Variants in SPHKAP observed in about 807,000 individuals in gnomAD.
SPHKAP encodes A-kinase anchor protein SPHKAP.
A neutral mutation model predicts 137.5 loss-of-function variants in SPHKAP; 67 were observed. The ratio of observed to expected loss-of-function variants is 0.49; its 90% confidence interval spans 0.40 to 0.60. The LOEUF is 0.60. Among genes scored for constraint, SPHKAP ranks in the 20% least tolerant of loss-of-function variants. SPHKAP has a pLI of 0.00. For missense variants in SPHKAP, 2,097 were observed against 2,069.3 expected (o/e 1.01, Z -0.26); for synonymous variants, 813 against 785.3 (o/e 1.04, Z -0.59).
At chr2:228,007,298 C>A (rs1694179541) in intron 7 of SPHKAP, among the ~76,000 whole-genome samples, 1 of 152,012 alleles carries the variant, frequency 6.6e-6, no homozygotes, top group Non-Finnish European at 1.5e-5. Context: ...ATCCATCATG[C>A]CAAATATTTA....
chr2:228,145,036 T>G (rs1424602330), intron 1 of SPHKAP, among the ~76,000 whole-genome samples: 1 of 152,214 alleles, frequency 6.6e-6, no homozygotes, highest in Non-Finnish European at 1.5e-5. Flanking sequence ...GGCTGTCAAA[T>G]GATTTCTAGT....
chr2:228,054,678 G>A (rs776766266), intron 3 of SPHKAP, among the ~76,000 whole-genome samples: 2 of 152,048 alleles, frequency 1.3e-5, no homozygotes, highest in Non-Finnish European at 1.5e-5. Flanking sequence ...CCTTGGAAAA[G>A]GTCCCAGGTG....
intron 1 of SPHKAP, among the ~76,000 whole-genome samples, chr2:228,153,178 T>C (rs934447693): frequency 6.6e-6 from 1 of 152,194 alleles, no homozygotes; most frequent in African/African-American, 2.4e-5. Context: ...GGTGTGTCTT[T>C]ATCAGCAGTG....
intron 7 of SPHKAP, among the ~76,000 whole-genome samples, chr2:228,001,394 AATAT>A (rs1435510512): frequency 5.6e-5 from 8 of 143,414 alleles, no homozygotes; most frequent in Non-Finnish European, 9.1e-5. Context: ...CACATATATA[AATAT>A]ATATACATAA....
chr2:227,985,592 G>A (rs1056195544), intron 11 of SPHKAP, among the ~76,000 whole-genome samples: 9 of 152,022 alleles, frequency 5.9e-5, no homozygotes, highest in African/African-American at 2.2e-4. Flanking sequence ...TTCATTTTCT[G>A]CCATTTCACA....
chr2:228,116,065 C>G (rs1431586186), intron 2 of SPHKAP, among the ~76,000 whole-genome samples: 1 of 152,182 alleles, frequency 6.6e-6, no homozygotes, highest in African/African-American at 2.4e-5. Flanking sequence ...TGATCTTGAA[C>G]TTTCCAGCCT....
intron 3 of SPHKAP, among the ~76,000 whole-genome samples, chr2:228,086,780 G>A (rs545883908): frequency 5.9e-5 from 9 of 152,242 alleles, no homozygotes; most frequent in Admixed American, 2.6e-4. Context: ...TATTTGAAAC[G>A]GAGTCTGGGA....
intron 3 of SPHKAP, among the ~76,000 whole-genome samples, chr2:228,093,211 A>T (rs1442235940): frequency 6.6e-6 from 1 of 152,238 alleles, no homozygotes; most frequent in East Asian, 1.9e-4. Context: ...TTTGGAAAAC[A>T]GTTTGGCAGT....
chr2:228,063,174 A>ATCTGTCTGTCTGTCTG lies in SPHKAP; in HGVS notation c.247-35647_247-35632dup, dbSNP rs1553536379. Among the ~76,000 whole-genome samples, 312 of 147,272 alleles carry ATCTGTCTGTCTGTCTG rather than the reference A, an allele frequency of 2.1e-3. 1 individual carries two copies. The highest frequency in any genetic ancestry group is 7.4e-3 in the African/African-American group (292 of 39,340). ...TATCTATCTATCTATCTATCTATCT[A>ATCTGTCTGTCTGTCTG]TCTGTCTGTCTGTCTGTCTGTCTAT... On this transcript the variant is annotated intron_variant, in intron 3 of 11. Transcript: ENST00000392056.
At chr2:227,998,807 C>T (rs1693734407) in intron 7 of SPHKAP, among the ~76,000 whole-genome samples, 1 of 152,194 alleles carries the variant, frequency 6.6e-6, no homozygotes, top group African/African-American at 2.4e-5. Context: ...GACCTCTCCT[C>T]TTGGCCAATC....
At chr2:228,089,189 A>G (rs1217744933) in intron 3 of SPHKAP, among the ~76,000 whole-genome samples, 1 of 152,218 alleles carries the variant, frequency 6.6e-6, no homozygotes, top group African/African-American at 2.4e-5. Flanking sequence ...CCTCAGATGC[A>G]AATAAGAAAG....
chr2:228,127,704 C>T (rs1189875111), intron 2 of SPHKAP, among the ~76,000 whole-genome samples: 2 of 152,110 alleles, frequency 1.3e-5, no homozygotes, highest in Non-Finnish European at 2.9e-5. Context: ...CAAGGATGAT[C>T]TTGGCTTGTA....
chr2:228,090,536 AT>A (rs1697692316), intron 3 of SPHKAP, among the ~76,000 whole-genome samples: 2 of 152,180 alleles, frequency 1.3e-5, no homozygotes, highest in African/African-American at 4.8e-5. Flanking sequence ...TGAGAAGGAT[AT>A]GAGATTTTGG....
At position 228,023,035 on chromosome 2, in the gene SPHKAP, T is replaced by C. The variant is rs1694900436; in HGVS notation, c.442-1069A>G. 2.0e-5 allele frequency among the ~76,000 whole-genome samples: 3 copies of C among 152,222 alleles called. No homozygotes were observed. In the South Asian group the frequency reaches 6.2e-4, roughly 32 times the overall value. ...AACAGTGATAAAGAGGCCCAAATTA[T>C]AGAATCATGTACTAGTCAGACCTGT... On this transcript the variant is annotated intron_variant, in intron 5 of 11. Coordinates refer to ENST00000392056, the MANE Select transcript of SPHKAP (RefSeq NM_001142644.2).
chr2:228,057,566 A>G (rs1696489772), intron 3 of SPHKAP, among the ~76,000 whole-genome samples: 1 of 152,158 alleles, frequency 6.6e-6, no homozygotes, highest in Admixed American at 6.6e-5. Flanking sequence ...CACAGGTTTG[A>G]GGGTCTTGGA....
chr2:228,092,292 CGTGCACACACACGTGT>C (rs1559168957), intron 3 of SPHKAP, among the ~76,000 whole-genome samples: 11 of 116,894 alleles, frequency 9.4e-5, no homozygotes, highest in African/African-American at 3.5e-4. Context: ...TGCGTGTATA[CGTGCACACACACGTGT>C]ATGTGTGTGT....
At chr2:228,133,616 C>T (rs1164534812) in intron 1 of SPHKAP, among the ~76,000 whole-genome samples, 1 of 152,140 alleles carries the variant, frequency 6.6e-6, no homozygotes, top group East Asian at 1.9e-4. Flanking sequence ...GGAACATAAT[C>T]TGATAGTTCT....
intron 3 of SPHKAP, among the ~76,000 whole-genome samples, chr2:228,088,795 T>C (rs1697623098): frequency 6.6e-6 from 1 of 152,202 alleles, no homozygotes. Flanking sequence ...TCTTTTACCT[T>C]CTGCCATGAT....
chr2:228,098,433 T>TA lies in SPHKAP; in HGVS notation c.246+10398dup, dbSNP rs1458952940. ...TACACCATGGAATACTATGCAGCCA[T>TA]AAAAAATGATGAGTTCATGTCCTTT... On this transcript the variant is annotated intron_variant, in intron 3 of 11. Coordinates refer to ENST00000392056, the MANE Select transcript of SPHKAP (RefSeq NM_001142644.2). Among the ~76,000 whole-genome samples the TA allele has an allele frequency of 1.6e-4, 25 of 152,224 alleles. No individual in the cohort carries two copies. The South Asian group carries it at 4.2e-3, about 25-fold the overall frequency.
Sources: allele counts gnomAD v4.1 joint callset (sites outside exome capture counted in the v4.1 genomes callset), GRCh38; gene constraint gnomAD v4.1.1; transcripts MANE v1.5; gene names NCBI Gene and HGNC (gene_info 2026-07-23, HGNC 2026-07-21).